Variants in KCND2 observed in about 807,000 individuals in gnomAD.
KCND2 encodes potassium voltage-gated channel subfamily D member 2, also known as A-type voltage-gated potassium channel KCND2.
In KCND2, 16 loss-of-function variants were observed where a neutral mutation model predicts 54.4. The observed-to-expected ratio is 0.29, with a 90% confidence interval of 0.20 to 0.45. The LOEUF is 0.45. KCND2 is among the 20% of genes least tolerant of loss of function. KCND2 has a pLI of 1.00. For missense variants in KCND2, 486 were observed against 824.2 expected (o/e 0.59, Z 5.02); for synonymous variants, 317 against 310.7 (o/e 1.02, Z -0.21).
chr7:120,351,342 C>T (rs1251153407), intron 1 of KCND2, among the ~76,000 whole-genome samples: 2 of 136,600 alleles, frequency 1.5e-5, no homozygotes, highest in Non-Finnish European at 3.1e-5. Flanking sequence ...TAAATGGGAT[C>T]ATCTCAAAAA....
At chr7:120,425,567 AT>A (rs1409079123) in intron 1 of KCND2, among the ~76,000 whole-genome samples, 1 of 152,138 alleles carries the variant, frequency 6.6e-6, no homozygotes, top group Non-Finnish European at 1.5e-5. Context: ...TTCAGCAACT[AT>A]TTTACTATAG....
chr7:120,678,179 T>C (rs937927405), intron 1 of KCND2, among the ~76,000 whole-genome samples: 1 of 151,648 alleles, frequency 6.6e-6, no homozygotes, highest in Non-Finnish European at 1.5e-5. Flanking sequence ...TCTGAGATGG[T>C]TAGGGGGTTC....
chr7:120,526,242 T>C (rs1791772620), intron 1 of KCND2, among the ~76,000 whole-genome samples: 1 of 152,210 alleles, frequency 6.6e-6, no homozygotes, highest in Admixed American at 6.6e-5. Context: ...ATTTTGATTT[T>C]GCATTTTAGA....
chr7:120,457,071 C>G (rs1184549164), intron 1 of KCND2, among the ~76,000 whole-genome samples: 1 of 152,164 alleles, frequency 6.6e-6, no homozygotes, highest in African/African-American at 2.4e-5. Context: ...ATACATTCGC[C>G]CCTTTTGGTC....
chr7:120,718,887 A>G (rs1042932279), intron 1 of KCND2, among the ~76,000 whole-genome samples: 13 of 152,176 alleles, frequency 8.5e-5, no homozygotes, highest in African/African-American at 3.1e-4. Flanking sequence ...TCTGGAAAGT[A>G]GAACAAAATA....
At chr7:120,746,570 T>C (rs1793010787) in intron 5 of KCND2, among the ~76,000 whole-genome samples, 2 of 152,100 alleles carry the variant, frequency 1.3e-5, no homozygotes, top group Non-Finnish European at 2.9e-5. Flanking sequence ...ATACAAAAAA[T>C]AAGTGAAGTA....
chr7:120,678,797 C>T (rs1437214265), intron 1 of KCND2, among the ~76,000 whole-genome samples: 2 of 145,664 alleles, frequency 1.4e-5, no homozygotes, highest in Non-Finnish European at 3.0e-5. Context: ...CACACACATT[C>T]TCTATCAATG....
At chr7:120,369,972 A>G (rs546356386) in intron 1 of KCND2, among the ~76,000 whole-genome samples, 30 of 152,144 alleles carry the variant, frequency 2.0e-4, no homozygotes, top group Admixed American at 1.4e-3. Flanking sequence ...GCAAATGTAG[A>G]TGTGAGTCAT....
intron 1 of KCND2, among the ~76,000 whole-genome samples, chr7:120,388,733 A>C (rs945732389): frequency 2.0e-5 from 3 of 151,830 alleles, no homozygotes; most frequent in Non-Finnish European, 4.4e-5. Flanking sequence ...TCTCTACAAA[A>C]CTTCTGTTTT....
At chr7:120,651,342 C>A (rs1791730056) in intron 1 of KCND2, among the ~76,000 whole-genome samples, 1 of 151,914 alleles carries the variant, frequency 6.6e-6, no homozygotes, top group Non-Finnish European at 1.5e-5. Flanking sequence ...AGCCTGGCTG[C>A]TGCCTTGCAG....
At chr7:120,654,093 C>A (rs1040522557) in intron 1 of KCND2, among the ~76,000 whole-genome samples, 1 of 151,886 alleles carries the variant, frequency 6.6e-6, no homozygotes, top group African/African-American at 2.4e-5. Flanking sequence ...TGATAATGTC[C>A]TTTTCTATTG....
intron 1 of KCND2, among the ~76,000 whole-genome samples, chr7:120,312,626 A>G (rs1799754531): frequency 6.6e-6 from 1 of 152,164 alleles, no homozygotes; most frequent in African/African-American, 2.4e-5. Context: ...GCCTCAAAGA[A>G]TTACTTGAAT....
chr7:120,524,063 C>T (rs1423433219), intron 1 of KCND2, among the ~76,000 whole-genome samples: 1 of 151,590 alleles, frequency 6.6e-6, no homozygotes, highest in Non-Finnish European at 1.5e-5. Context: ...TGGTGAAACC[C>T]CATCTCTCCT....
At chr7:120,505,274 C>G (rs1275775263) in intron 1 of KCND2, among the ~76,000 whole-genome samples, 1 of 151,588 alleles carries the variant, frequency 6.6e-6, no homozygotes, top group South Asian at 2.1e-4. Context: ...GTCCTCCCTC[C>G]CTCTTCCCCT....
intron 1 of KCND2, among the ~76,000 whole-genome samples, chr7:120,696,733 G>A (rs1373840022): frequency 3.9e-5 from 6 of 152,108 alleles, no homozygotes; most frequent in South Asian, 2.1e-4. Context: ...TTGCTCTTGC[G>A]TTTTCTTGCC....
intron 1 of KCND2, among the ~76,000 whole-genome samples, chr7:120,642,287 C>A (rs1475486638): frequency 1.3e-5 from 2 of 151,528 alleles, no homozygotes; most frequent in East Asian, 3.9e-4. Flanking sequence ...CGGTGGCTCA[C>A]GCCTGTAATT....
chr7:120,292,406 A>G (rs1799448514), intron 1 of KCND2, among the ~76,000 whole-genome samples: 1 of 151,868 alleles, frequency 6.6e-6, no homozygotes, highest in Non-Finnish European at 1.5e-5. Flanking sequence ...ATTTACTTAA[A>G]TTTAGTGACA....
chr7:120,576,813 T>C (rs982800809), intron 1 of KCND2, among the ~76,000 whole-genome samples: 8 of 152,162 alleles, frequency 5.3e-5, no homozygotes, highest in Non-Finnish European at 8.8e-5. Context: ...AGTGAAAATA[T>C]GAAGATATAC....
intron 1 of KCND2, among the ~76,000 whole-genome samples, chr7:120,731,935 G>A (rs1792812900): frequency 1.3e-5 from 2 of 152,098 alleles, no homozygotes; most frequent in Admixed American, 1.3e-4. Context: ...ATTTGAGAGA[G>A]GAAGAGGAAG....
Sources: gnomAD v4.1 joint callset for allele counts (sites outside exome capture counted in the v4.1 genomes callset) on GRCh38, gnomAD v4.1.1 for gene constraint, MANE v1.5 for transcripts, NCBI Gene and HGNC (gene_info 2026-07-23, HGNC 2026-07-21) for gene names.